FRAS1: variants seen among roughly 807,000 people sequenced by gnomAD.
FRAS1 encodes extracellular matrix organizing protein FRAS1.
A neutral mutation model predicts 435.2 loss-of-function variants in FRAS1; 290 were observed. The ratio of observed to expected loss-of-function variants is 0.67; its 90% confidence interval spans 0.61 to 0.73. The LOEUF is 0.73. FRAS1 is among the 30% of genes least tolerant of loss of function. The pLI is 0.00. For synonymous variants in FRAS1, 1,800 were observed against 1,851.0 expected (o/e 0.97, Z 0.71); for missense variants, 4,860 against 5,001.5 (o/e 0.97, Z 0.85).
intron 4 of FRAS1, among the ~76,000 whole-genome samples, chr4:78,249,472 G>A (rs935581735): frequency 3.3e-5 from 5 of 151,416 alleles, no homozygotes; most frequent in Admixed American, 6.6e-5. Context: ...ACTGGCAACC[G>A]CCACCACACC....
At chr4:78,537,703 G>T (rs1721926790) in intron 72 of FRAS1, among the ~76,000 whole-genome samples, 1 of 152,296 alleles carries the variant, frequency 6.6e-6, no homozygotes, top group African/African-American at 2.4e-5. Flanking sequence ...AACATTTTGG[G>T]ACACTGAGGT....
chr4:78,414,424 C>A (rs545687580), intron 32 of FRAS1, among the ~76,000 whole-genome samples: 6 of 152,114 alleles, frequency 3.9e-5, no homozygotes, highest in African/African-American at 7.2e-5. Context: ...TGCATACTTG[C>A]GAATTAGGTC....
chr4:78,279,603 G>A (rs931886664), intron 10 of FRAS1, among the ~76,000 whole-genome samples: 2 of 152,152 alleles, frequency 1.3e-5, no homozygotes, highest in African/African-American at 4.8e-5. Flanking sequence ...TGTTTGATTA[G>A]ATGAGGGGCA....
chr4:78,501,521 A>G (rs1428987161), intron 61 of FRAS1, among the ~76,000 whole-genome samples: 1 of 152,176 alleles, frequency 6.6e-6, no homozygotes, highest in African/African-American at 2.4e-5. Flanking sequence ...TTCTGGTTCT[A>G]GATCCTTGAG....
intron 59 of FRAS1, among the ~76,000 whole-genome samples, chr4:78,494,125 T>C (rs549298852): frequency 6.6e-6 from 1 of 152,356 alleles, no homozygotes; most frequent in East Asian, 1.9e-4. Flanking sequence ...TAAGAAATGC[T>C]TGTTGTTTTA....
intron 30 of FRAS1, among the ~76,000 whole-genome samples, chr4:78,402,588 T>C (rs144871510): frequency 0.015 from 2,344 of 152,262 alleles, 38 homozygotes; most frequent in Middle Eastern, 0.044. Flanking sequence ...TTGAATACCC[T>C]TATCCTCCCC....
chr4:78,259,539 CT>C (rs1306325145), intron 6 of FRAS1, among the ~76,000 whole-genome samples: 2 of 151,952 alleles, frequency 1.3e-5, no homozygotes, highest in South Asian at 2.1e-4. Flanking sequence ...CCTTCGCTCA[CT>C]TTTTGATAGG....
chr4:78,422,936 C>A (rs1368637565), intron 34 of FRAS1, among the ~76,000 whole-genome samples: 1 of 152,042 alleles, frequency 6.6e-6, no homozygotes, highest in Admixed American at 6.6e-5. Flanking sequence ...GCAGAAGACA[C>A]CTTTTTAATG....
chr4:78,320,915 A>G (rs1729478156), intron 18 of FRAS1, among the ~76,000 whole-genome samples: 1 of 152,162 alleles, frequency 6.6e-6, no homozygotes, highest in African/African-American at 2.4e-5. Flanking sequence ...GAAATTCCTC[A>G]CTGTAGCCTG....
intron 2 of FRAS1, among the ~76,000 whole-genome samples, chr4:78,089,357 C>A (rs995922028): frequency 1.5e-4 from 22 of 151,696 alleles, no homozygotes; most frequent in African/African-American, 4.8e-4. Flanking sequence ...TGCAGCACAC[C>A]AACATAGCAC....
At chr4:78,428,096 G>A (rs1734063371) in intron 35 of FRAS1, among the ~76,000 whole-genome samples, 1 of 152,206 alleles carries the variant, frequency 6.6e-6, no homozygotes, top group Non-Finnish European at 1.5e-5. Flanking sequence ...TTAAGTTATG[G>A]AAAAGTGGAA....
In FRAS1 at chr4:78,272,261, T is replaced by A. The variant is rs1281637571; in HGVS notation, c.981+4829T>A. On this transcript the variant is annotated intron_variant, in intron 9 of 73. Transcript: ENST00000512123. The stretch of plus-strand genomic sequence containing the variant: ...AAAAATTTTCTCTCATTCTGTAGGT[T>A]GCCTGTTCACTCTGATGGTAGTTAC... 2.6e-5 allele frequency among the ~76,000 whole-genome samples: 4 copies of A among 152,346 alleles called. No homozygotes were observed. In the East Asian group the frequency reaches 7.7e-4, roughly 29 times the overall value.
intron 31 of FRAS1, among the ~76,000 whole-genome samples, chr4:78,408,249 A>G (rs1361278510): frequency 6.6e-6 from 1 of 152,194 alleles, no homozygotes; most frequent in Non-Finnish European, 1.5e-5. Flanking sequence ...CCTCCAACAC[A>G]TGGGAATTAT....
Position 78,384,143 on chromosome 4 carries a change from G to C in FRAS1, c.3648G>C (p.Gln1216His). 2 of 1,580,296 alleles carry C rather than the reference G, an allele frequency of 1.3e-6. No homozygotes were observed. Among genetic ancestry groups the C allele is most frequent in the South Asian group, 1.2e-5 (1 of 83,708 alleles). Residue 1216 changes from glutamine to histidine, a missense_variant and splice_region_variant, in exon 28 of 74, where the codon CAG becomes CAC. By Grantham distance (24) the Gln-to-His change is conservative. Transcript: ENST00000512123. ...TCAACATACAAGCATTTTCAACACA[G>C]GTAATAAAAATGGCCACGTAATTAA... ...QLINIQAFST[Q>H]APYVLRNEVL... is the part of the protein sequence containing the mutation.
At position 78,164,394 on chromosome 4, in the gene FRAS1, A is replaced by G. The variant is rs564892835; in HGVS notation, c.109-73116A>G. On this transcript the variant is annotated intron_variant, in intron 2 of 73. Transcript: ENST00000512123. Reference sequence around the variant, plus strand: ...AAGGAATATAATATAAGGAATGGAAACCACATTTATGATCAATTAATAAAG... The same window carrying G: ...AAGGAATATAATATAAGGAATGGAAGCCACATTTATGATCAATTAATAAAG... 3.1e-4 allele frequency among the ~76,000 whole-genome samples: 47 copies of G among 152,248 alleles called. 2 individuals are homozygous for G. The highest frequency in any genetic ancestry group is 1.1e-3 in the African/African-American group (45 of 41,548).
At chr4:78,371,312 T>C (rs954963061) in intron 23 of FRAS1, among the ~76,000 whole-genome samples, 2 of 152,218 alleles carry the variant, frequency 1.3e-5, no homozygotes, top group African/African-American at 2.4e-5. Context: ...ATTTACCTGA[T>C]TTCTTTGGGA....
intron 2 of FRAS1, among the ~76,000 whole-genome samples, chr4:78,211,053 C>G (rs761011541): frequency 2.0e-4 from 30 of 152,148 alleles, no homozygotes; most frequent in Admixed American, 5.2e-4. Context: ...CAAAGAAAGG[C>G]AGTGTGGATA....
At chr4:78,303,861 T>A (rs549330980) in intron 14 of FRAS1, among the ~76,000 whole-genome samples, 3,165 of 149,126 alleles carry the variant, frequency 0.021, 121 homozygotes, top group African/African-American at 0.073. Context: ...TTCTCCTGCC[T>A]AATTGCCCTG....
At chr4:78,538,784 C>A (rs1721960889) in intron 72 of FRAS1, among the ~76,000 whole-genome samples, 1 of 152,010 alleles carries the variant, frequency 6.6e-6, no homozygotes, top group South Asian at 2.1e-4. Flanking sequence ...GAAACTCTGT[C>A]TTTACTAAAA....
Sources: allele counts gnomAD v4.1 joint callset (sites outside exome capture counted in the v4.1 genomes callset), GRCh38; gene constraint gnomAD v4.1.1; transcripts MANE v1.5; gene names NCBI Gene and HGNC (gene_info 2026-07-23, HGNC 2026-07-21).